Variants in SORCS2 observed in about 807,000 individuals in gnomAD.
SORCS2 encodes VPS10 domain-containing receptor SorCS2.
SORCS2 carries 100 observed loss-of-function variants against 141.6 expected under a neutral mutation model. The ratio of observed to expected loss-of-function variants is 0.71; its 90% CI spans 0.60 to 0.83. The LOEUF (loss-of-function observed/expected upper bound fraction) is 0.83, where lower values mean the gene tolerates loss of function less well. SORCS2 is among the 40% of genes least tolerant of loss of function. The pLI is 0.00. For synonymous variants in SORCS2, 789 were observed against 676.9 expected (o/e 1.17, Z -2.57); for missense variants, 1,646 against 1,560.2 (o/e 1.05, Z -0.93).
chr4:7,599,501 G>GA (rs556223886), intron 3 of SORCS2, among the ~76,000 whole-genome samples: 185 of 152,308 alleles, frequency 1.2e-3, no homozygotes, highest in African/African-American at 4.2e-3. Context: ...AGGGGAAGTT[G>GA]GATAACCCCA....
intron 11 of SORCS2, among the ~76,000 whole-genome samples, chr4:7,694,879 C>T (rs967548376): frequency 3.3e-5 from 5 of 152,136 alleles, no homozygotes; most frequent in Non-Finnish European, 5.9e-5. Flanking sequence ...TTCCCTTGGA[C>T]AGCCACGTTC....
intron 3 of SORCS2, among the ~76,000 whole-genome samples, chr4:7,586,081 T>C (rs1238665121): frequency 1.3e-5 from 2 of 152,232 alleles, no homozygotes. Flanking sequence ...CTAAAGGCAT[T>C]GCTCTCTCTT....
chr4:7,707,162 C>A (rs4689830), intron 14 of SORCS2, among the ~76,000 whole-genome samples: 89,202 of 151,594 alleles, frequency 0.59, 26,366 homozygotes, highest in Admixed American at 0.69. Context: ...CTCTTCTGCT[C>A]TGCCATCATC....
At chr4:7,543,887 C>CCCATCCATCCACCCACCCAT (rs1712994886) in intron 3 of SORCS2, among the ~76,000 whole-genome samples, 1 of 12,536 alleles carries the variant, frequency 8.0e-5, no homozygotes, top group Non-Finnish European at 2.0e-4. Flanking sequence ...CACCCACCCA[C>CCCATCCATCCACCCACCCAT]CCACCCATCC....
At chr4:7,471,153 G>A (rs926335405) in intron 2 of SORCS2, among the ~76,000 whole-genome samples, 1 of 152,194 alleles carries the variant, frequency 6.6e-6, no homozygotes, top group East Asian at 1.9e-4. Context: ...GATGCGTTGG[G>A]AACAGGTCAG....
intron 2 of SORCS2, among the ~76,000 whole-genome samples, chr4:7,421,754 T>G (rs1415140646): frequency 2.6e-5 from 4 of 152,052 alleles, no homozygotes; most frequent in African/African-American, 9.7e-5. Context: ...CTGCGGCCCC[T>G]CTCTGGTCTC....
At chr4:7,442,856 G>A (rs1050448241) in intron 2 of SORCS2, among the ~76,000 whole-genome samples, 2 of 151,990 alleles carry the variant, frequency 1.3e-5, no homozygotes, top group Non-Finnish European at 2.9e-5. Context: ...AACTCCTTTT[G>A]CAGTTCTGGG....
chr4:7,420,608 C>T (rs1725975656), intron 2 of SORCS2, among the ~76,000 whole-genome samples: 1 of 152,072 alleles, frequency 6.6e-6, no homozygotes, highest in African/African-American at 2.4e-5. Context: ...TCTGGTGTCA[C>T]TGGAGGGGCT....
chr4:7,243,992 G>A lies in SORCS2; in HGVS notation c.480+50866G>A, dbSNP rs553304859. ...GGGCCATGGCCAGAAGGAAATGCTC[G>A]CCCTGTTCTTGGTGTTGAGTCGTCT... is the stretch of plus-strand genomic sequence containing the variant. On this transcript the variant is annotated intron_variant, in intron 1 of 26. Coordinates refer to ENST00000507866, the MANE Select transcript of SORCS2 (RefSeq NM_020777.3). Among the ~76,000 whole-genome samples, 214 of 152,350 alleles carry A rather than the reference G, an allele frequency of 1.4e-3. 1 individual carries two copies. Among genetic ancestry groups the A allele is most frequent in the African/African-American group, 4.6e-3 (193 of 41,596 alleles).
intron 3 of SORCS2, among the ~76,000 whole-genome samples, chr4:7,540,294 C>T (rs1712523106): frequency 1.3e-5 from 2 of 151,834 alleles, no homozygotes; most frequent in African/African-American, 4.8e-5. Flanking sequence ...CCTTCCTCTC[C>T]TTCTGGACCT....
chr4:7,568,355 C>A (rs966822142), intron 3 of SORCS2, among the ~76,000 whole-genome samples: 1 of 152,162 alleles, frequency 6.6e-6, no homozygotes, highest in African/African-American at 2.4e-5. Context: ...GTCCTGATAC[C>A]TAATAGCGTA....
At chr4:7,706,488 T>C (rs1396142691) in intron 14 of SORCS2, among the ~76,000 whole-genome samples, 1 of 128,126 alleles carries the variant, frequency 7.8e-6, no homozygotes, top group Non-Finnish European at 1.6e-5. Context: ...TGGACAGAGA[T>C]GAGGCTGGGC....
chr4:7,356,281 C>G (rs947431545), intron 1 of SORCS2, among the ~76,000 whole-genome samples: 7 of 152,212 alleles, frequency 4.6e-5, no homozygotes. Context: ...TGTCTTGGCC[C>G]CTGCGTTAGT....
chr4:7,730,969 C>T (rs980463794), intron 23 of SORCS2, among the ~76,000 whole-genome samples: 26 of 152,206 alleles, frequency 1.7e-4, no homozygotes, highest in Non-Finnish European at 2.1e-4. Context: ...GAAGGCGTGG[C>T]CCGTGCAGGG....
At chr4:7,510,500 G>A (rs1214345645) in intron 2 of SORCS2, among the ~76,000 whole-genome samples, 1 of 152,278 alleles carries the variant, frequency 6.6e-6, no homozygotes, top group Non-Finnish European at 1.5e-5. Context: ...GTCCCCAGAG[G>A]ACAGCGGCCA....
In SORCS2 at chr4:7,664,770, A is replaced by G. The variant is rs903097357; in HGVS notation, c.1071+299A>G. Among the ~76,000 whole-genome samples, 1 of 152,092 alleles carries G rather than the reference A, an allele frequency of 6.6e-6. No homozygotes were observed. Among genetic ancestry groups the G allele is most frequent in the African/African-American group, 2.4e-5 (1 of 41,438 alleles). On this transcript the variant is annotated intron_variant, in intron 7 of 26. Transcript: ENST00000507866. The surrounding 1 kb of genome is among the most constrained non-coding windows in gnomAD (Gnocchi z 4.7). ...AGCCCATTTAGCCCCATTTGGCTTT[A>G]TCAGTGACTTTGGAACTGACCAGGA...
rs113811536 is a variant in SORCS2 at position 7,606,450 on chromosome 4, G to A, written c.649-31878G>A. On this transcript the variant is annotated intron_variant, in intron 3 of 26. Coordinates refer to ENST00000507866, the MANE Select transcript of SORCS2 (RefSeq NM_020777.3). ...TCCTGGCTTCTCGTTCCGACTCCTT[G>A]TCCTTCGTTTCTGCTGCAAACGGTC... 6.1e-3 allele frequency among the ~76,000 whole-genome samples: 923 copies of A among 152,146 alleles called. 13 individuals are homozygous for A. The highest frequency in any genetic ancestry group is 0.021 in the African/African-American group (887 of 41,512).
rs540492046 is a variant in SORCS2, at chr4:7,565,149, G to A, written c.648+33520G>A. On this transcript the variant is annotated intron_variant, in intron 3 of 26. Coordinates refer to ENST00000507866, the MANE Select transcript of SORCS2 (RefSeq NM_020777.3). ...GACTCCACTCGCTCAGGCTGCGTTT[G>A]TTTCCTCTGACCGAGGATCGATAAG... 1.9e-4 allele frequency among the ~76,000 whole-genome samples: 29 copies of A among 152,282 alleles called. No individual in the cohort carries two copies. The South Asian group carries it at 3.7e-3, about 20-fold the overall frequency.
intron 17 of SORCS2, among the ~76,000 whole-genome samples, chr4:7,717,617 G>C (rs1726281300): frequency 6.6e-6 from 1 of 152,180 alleles, no homozygotes; most frequent in African/African-American, 2.4e-5. Context: ...GTGGAGGCAG[G>C]ACCCCAGGCC....
Sources: allele counts gnomAD v4.1 joint callset (sites outside exome capture counted in the v4.1 genomes callset), GRCh38; gene constraint gnomAD v4.1.1; non-coding constraint Gnocchi (gnomAD v3.1); transcripts MANE v1.5; gene names NCBI Gene and HGNC (gene_info 2026-07-23, HGNC 2026-07-21).